Variants in SRPK1 observed in about 807,000 individuals in gnomAD.
SRPK1 encodes SRSF protein kinase 1.
Under a neutral mutation model 89.5 loss-of-function variants are expected in SRPK1, and 52 were observed. The ratio of observed to expected loss-of-function variants is 0.58; its 90% CI spans 0.46 to 0.73. The LOEUF (loss-of-function observed/expected upper bound fraction) is 0.73. Among genes scored for constraint, SRPK1 ranks in the 30% least tolerant of loss-of-function variants. The pLI is 0.00. For missense variants in SRPK1, 603 were observed against 780.6 expected (o/e 0.77, Z 2.71); for synonymous variants, 255 against 270.2 (o/e 0.94, Z 0.55).
intron 12 of SRPK1, among the ~76,000 whole-genome samples, 195 bp downstream of exon 12, chr6:35,868,815 C>T (rs1769964192): frequency 6.6e-6 from 1 of 152,110 alleles, no homozygotes; most frequent in Non-Finnish European, 1.5e-5. Context: ...TTTTCATGAT[C>T]ACGATTACCA....
At chr6:35,907,321 T>C (rs998967796) in intron 2 of SRPK1, among the ~76,000 whole-genome samples, 4 of 152,196 alleles carry the variant, frequency 2.6e-5, no homozygotes, top group African/African-American at 7.2e-5. Context: ...TAAAAAAATT[T>C]AGGGCAATTA....
At chr6:35,852,578 T>C (rs897938985) in intron 13 of SRPK1, among the ~76,000 whole-genome samples, 1 of 152,204 alleles carries the variant, frequency 6.6e-6, no homozygotes, top group Non-Finnish European at 1.5e-5. Context: ...TGACAATCTT[T>C]GGTGAAATCT....
chr6:35,858,162 A>G (rs887580376), intron 12 of SRPK1, among the ~76,000 whole-genome samples: 1 of 152,186 alleles, frequency 6.6e-6, no homozygotes, highest in Non-Finnish European at 1.5e-5. Flanking sequence ...ACCCCATGCC[A>G]TTTATTATAC....
At chr6:35,885,613 G>T (rs185457796) in intron 6 of SRPK1, among the ~76,000 whole-genome samples, 1 of 152,104 alleles carries the variant, frequency 6.6e-6, no homozygotes, top group Non-Finnish European at 1.5e-5. Flanking sequence ...TTAGGAATGT[G>T]CATTAAAGGA....
chr6:35,845,711 G>A (rs6457861), intron 13 of SRPK1, among the ~76,000 whole-genome samples: 4,858 of 152,262 alleles, frequency 0.032, 150 homozygotes, highest in African/African-American at 0.08. Flanking sequence ...CAGAAAATGA[G>A]GAGTTTCAGG....
At chr6:35,844,367 T>C (rs1769383658) in intron 13 of SRPK1, among the ~76,000 whole-genome samples, 2 of 152,148 alleles carry the variant, frequency 1.3e-5, no homozygotes, top group African/African-American at 4.8e-5. Context: ...GCGCTAGTCA[T>C]AGGTCAATTT....
At chr6:35,919,234 C>G (rs1562001982) in intron 2 of SRPK1, among the ~76,000 whole-genome samples, 1 of 152,154 alleles carries the variant, frequency 6.6e-6, no homozygotes, top group Non-Finnish European at 1.5e-5. Flanking sequence ...CAAGCACTTA[C>G]AAAATACATT....
intron 2 of SRPK1, among the ~76,000 whole-genome samples, chr6:35,893,078 A>C (rs1009369127): frequency 4.6e-5 from 7 of 152,246 alleles, no homozygotes; most frequent in African/African-American, 1.7e-4. Context: ...TTAGTAATAC[A>C]CTGGCCCACT....
chr6:35,912,491 C>T lies in SRPK1; in HGVS notation c.74+7977G>A, dbSNP rs184994046. Reference sequence around the variant, plus strand: ...GTCTGTACATTTTTAAAAGACATGACGCTACTGCAAAGTTAACAGACTACA... The same window carrying T: ...GTCTGTACATTTTTAAAAGACATGATGCTACTGCAAAGTTAACAGACTACA... On this transcript the variant is annotated intron_variant, in intron 2 of 15. Coordinates refer to ENST00000373825, the MANE Select transcript of SRPK1 (RefSeq NM_003137.5). Among the ~76,000 whole-genome samples, 39 of 152,294 alleles carry T rather than the reference C, an allele frequency of 2.6e-4. No homozygotes were observed. In the East Asian group the frequency reaches 6.2e-3, roughly 24 times the overall value.
rs748022974 is a variant in SRPK1, at chr6:35,892,513, G to C, written c.75-1500C>G. ...TTAAAAATATAAAAATTAGCTGGGT[G>C]TGGTGGCAGGCACCTGTAATCCCAG... On this transcript the variant is annotated intron_variant, in intron 2 of 15. Transcript: ENST00000373825. Among the ~76,000 whole-genome samples, 7 of 152,190 alleles carry C rather than the reference G, an allele frequency of 4.6e-5. No individual in the cohort carries two copies. In the East Asian group the frequency reaches 7.7e-4, roughly 17 times the overall value.
intron 2 of SRPK1, among the ~76,000 whole-genome samples, chr6:35,901,912 G>A (rs1479944670): frequency 2.0e-5 from 3 of 152,040 alleles, no homozygotes; most frequent in Non-Finnish European, 2.9e-5. Context: ...GCTGGAACTA[G>A]GGTCTAACAA....
chr6:35,914,132 C>T (rs150997334), intron 2 of SRPK1, among the ~76,000 whole-genome samples: 4,955 of 151,828 alleles, frequency 0.033, 96 homozygotes, highest in Middle Eastern at 0.065. Flanking sequence ...TGCACCATGA[C>T]GCCCGGCTAA....
intron 6 of SRPK1, among the ~76,000 whole-genome samples, chr6:35,877,808 A>G (rs768054846): frequency 2.0e-5 from 3 of 150,608 alleles, no homozygotes; most frequent in Non-Finnish European, 4.4e-5. Context: ...GCACCACTGC[A>G]CTCCACTGCA....
At chr6:35,856,699 T>C (rs1769673755) in intron 13 of SRPK1, among the ~76,000 whole-genome samples, 1 of 152,178 alleles carries the variant, frequency 6.6e-6, no homozygotes, top group African/African-American at 2.4e-5. Context: ...TTAAGGAGTA[T>C]AATACATTTT....
chr6:35,876,884 T>G (rs1469500320), intron 6 of SRPK1, among the ~76,000 whole-genome samples: 1 of 152,156 alleles, frequency 6.6e-6, no homozygotes, highest in African/African-American at 2.4e-5. Flanking sequence ...CTCCACAAGT[T>G]GAATCAATGG....
intron 12 of SRPK1, among the ~76,000 whole-genome samples, chr6:35,861,638 G>A (rs950997056): frequency 6.6e-6 from 1 of 152,184 alleles, no homozygotes; most frequent in Admixed American, 6.5e-5. Context: ...GACCCTCCCC[G>A]CTCTGGTCCC....
chr6:35,919,958 T>G (rs902162521), intron 2 of SRPK1: 3 of 398,672 alleles, frequency 7.5e-6, no homozygotes, highest in African/African-American at 6.3e-5. Flanking sequence ...GGAAGTTGAC[T>G]AACCCAGGGA....
intron 13 of SRPK1, among the ~76,000 whole-genome samples, chr6:35,844,809 T>A (rs1769391829): frequency 6.6e-6 from 1 of 151,866 alleles, no homozygotes. Context: ...ATACCAGTAC[T>A]TTAAAAAAAA....
At chr6:35,878,428 T>C (rs558762683) in intron 6 of SRPK1, among the ~76,000 whole-genome samples, 1 of 152,280 alleles carries the variant, frequency 6.6e-6, no homozygotes, top group African/African-American at 2.4e-5. Context: ...AACCAATGCA[T>C]TGGCAGAATC....
Sources: gnomAD v4.1 joint callset for allele counts (sites outside exome capture counted in the v4.1 genomes callset) on GRCh38, gnomAD v4.1.1 for gene constraint, MANE v1.5 for transcripts, NCBI Gene and HGNC (gene_info 2026-07-23, HGNC 2026-07-21) for gene names.